Variants in CECR2 observed in about 807,000 individuals in gnomAD.
The protein encoded by CECR2 is chromatin remodeling regulator CECR2.
A neutral mutation model predicts 154.5 loss-of-function variants in CECR2; 30 were observed. The observed-to-expected ratio is 0.19, with a 90% confidence interval of 0.15 to 0.26. The LOEUF (loss-of-function observed/expected upper bound fraction) is 0.26, where lower values mean the gene tolerates loss of function less well. Among genes scored for constraint, CECR2 ranks in the 10% least tolerant of loss-of-function variants. CECR2 has a pLI of 1.00. For missense variants in CECR2, 1,743 were observed against 1,829.3 expected (o/e 0.95, Z 0.86); for synonymous variants, 725 against 683.7 (o/e 1.06, Z -0.94).
chr22:17,484,674 G>A (rs2055389102), intron 2 of CECR2, among the ~76,000 whole-genome samples: 1 of 152,166 alleles, frequency 6.6e-6, no homozygotes, highest in African/African-American at 2.4e-5. Context: ...GCCAAGGTGG[G>A]CGGATCACTT....
chr22:17,462,956 G>A (rs1211273331), intron 1 of CECR2, among the ~76,000 whole-genome samples: 2 of 152,168 alleles, frequency 1.3e-5, no homozygotes, highest in African/African-American at 4.8e-5. Flanking sequence ...ACAATTTTGG[G>A]GAAACAGCCA....
chr22:17,532,635 A>G (rs1831237178), intron 9 of CECR2, among the ~76,000 whole-genome samples: 1 of 151,000 alleles, frequency 6.6e-6, no homozygotes, highest in African/African-American at 2.4e-5. Flanking sequence ...TTGAAACTCC[A>G]AGAAAATCAC....
At chr22:17,425,712 G>A (rs755067316) in intron 1 of CECR2, among the ~76,000 whole-genome samples, 9 of 148,948 alleles carry the variant, frequency 6.0e-5, no homozygotes, top group Non-Finnish European at 1.3e-4. Flanking sequence ...TTTGACTCTT[G>A]GTTTCTAGTC....
intron 1 of CECR2, among the ~76,000 whole-genome samples, chr22:17,383,469 A>G (rs1221746911): frequency 6.6e-6 from 1 of 152,144 alleles, no homozygotes; most frequent in Non-Finnish European, 1.5e-5. Context: ...CATTTGAACA[A>G]TGTTGACAGC....
chr22:17,529,822 T>TA (rs1406032053), intron 9 of CECR2, among the ~76,000 whole-genome samples: 2 of 151,698 alleles, frequency 1.3e-5, no homozygotes, highest in Non-Finnish European at 2.9e-5. Context: ...TGATAGTTCT[T>TA]ATGGAAGGAA....
intron 7 of CECR2, among the ~76,000 whole-genome samples, chr22:17,511,076 CG>C (rs1015599611): frequency 6.6e-6 from 1 of 152,094 alleles, no homozygotes; most frequent in African/African-American, 2.4e-5. Context: ...ATTTTTGATG[CG>C]GAAGTCACGG....
intron 1 of CECR2, among the ~76,000 whole-genome samples, chr22:17,447,370 G>T (rs902151360): frequency 6.6e-6 from 1 of 151,896 alleles, no homozygotes; most frequent in Non-Finnish European, 1.5e-5. Context: ...ATCCAGGATG[G>T]TCTCGATATC....
chr22:17,525,374 G>A lies in CECR2; in HGVS notation c.1108+1103G>A, dbSNP rs141103804. Among the ~76,000 whole-genome samples the A allele has an allele frequency of 1.2e-4, 18 of 149,734 alleles. No individual in the cohort carries two copies. The East Asian group carries it at 3.0e-3, about 25-fold the overall frequency. On this transcript the variant is annotated intron_variant, in intron 9 of 18. Transcript: ENST00000262608. ...AAAGAAATGATGGCTGGGCACAGTG[G>A]CTCACGCCTGTAATCCCAGCACTTT...
At position 17,500,206 on chromosome 22, in the gene CECR2, A is replaced by C. The variant is rs535187428; in HGVS notation, c.546-425A>C. Among the ~76,000 whole-genome samples, 208 of 63,262 alleles carry C rather than the reference A, an allele frequency of 3.3e-3. 4 individuals are homozygous for C. The highest frequency in any genetic ancestry group is 0.013 in the African/African-American group (198 of 14,834). 41.5% of individuals were successfully genotyped at this position (63,262 alleles called of 152,430 possible). A position where few individuals can be genotyped will look rare whatever the true frequency, so the allele number is the denominator to read the frequency against. ...AGCCTGGGCGACAGAGCGAGACTCC[A>C]TCAAAAAAAAAAAAAAAAAAAGAAT... On this transcript the variant is annotated intron_variant, in intron 4 of 18. Coordinates refer to ENST00000262608, the MANE Select transcript of CECR2 (RefSeq NM_001290047.2).
chr22:17,538,920 T>C, intron 12 of CECR2, 73 bp from the exon 13 acceptor site: 2 of 1,527,780 alleles, frequency 1.3e-6, no homozygotes, highest in East Asian at 4.5e-5. Context: ...TCATTATCTC[T>C]CTGTCTCTCT....
intron 1 of CECR2, among the ~76,000 whole-genome samples, chr22:17,394,462 G>A (rs887103439): frequency 6.6e-6 from 1 of 151,938 alleles, no homozygotes; most frequent in Non-Finnish European, 1.5e-5. Context: ...TCCTGCGTAG[G>A]TTTTCTAAAG....
At chr22:17,418,335 T>A (rs1457708099) in intron 1 of CECR2, among the ~76,000 whole-genome samples, 1 of 152,202 alleles carries the variant, frequency 6.6e-6, no homozygotes. Flanking sequence ...TAATTGTGCA[T>A]CCTCAAGCCT....
rs577835496 is a variant in CECR2, at chr22:17,540,081, C to T, written c.1496-331C>T. Among the ~76,000 whole-genome samples, 288 of 152,306 alleles carry T rather than the reference C, an allele frequency of 1.9e-3. 3 individuals carry two copies. The highest frequency in any genetic ancestry group is 6.7e-3 in the African/African-American group (280 of 41,572). ...CTCCTGGGCTCAAGTGATCCTCCTG[C>T]CTTGGCCTCCCAAAGTGCTGGGATC... is the stretch of plus-strand genomic sequence containing the variant. On this transcript the variant is annotated intron_variant, in intron 13 of 18. Transcript: ENST00000262608.
chr22:17,502,014 C>A (rs531113644), intron 5 of CECR2, among the ~76,000 whole-genome samples: 10 of 152,270 alleles, frequency 6.6e-5, no homozygotes, highest in Admixed American at 3.9e-4. Flanking sequence ...TTGGATAATG[C>A]CAATATAGAA....
At chr22:17,520,017 T>C in intron 8 of CECR2, among the ~76,000 whole-genome samples, 1 of 151,922 alleles carries the variant, frequency 6.6e-6, no homozygotes, top group East Asian at 1.9e-4. Flanking sequence ...TCTCAATCTC[T>C]TAACCTCATG....
In CECR2 at chr22:17,542,930, C is replaced by T. The variant is rs2056553700; in HGVS notation, c.2787C>T (p.Ala929=). ...VAHPMSVTVS[A]PKPALGNPGR... ...ACCCAATGTCAGTCACTGTGTCAGC[C>T]CCCAAGCCTGCCCTGGGCAACCCTG... Residue 929 remains alanine, a synonymous_variant, in exon 16 of 19, where the codon GCC becomes GCT. Transcript: ENST00000262608. The T allele has an allele frequency of 6.2e-7, 1 of 1,613,828 alleles. No homozygotes were observed. The highest frequency in any genetic ancestry group is 8.5e-7 in the Non-Finnish European group (1 of 1,179,858).
At chr22:17,501,990 A>C (rs992359628) in intron 5 of CECR2, among the ~76,000 whole-genome samples, 1 of 152,218 alleles carries the variant, frequency 6.6e-6, no homozygotes, top group African/African-American at 2.4e-5. Flanking sequence ...GATGCTCAGC[A>C]GCCACATGGT....
At chr22:17,370,537 T>C (rs1231010380) in intron 1 of CECR2, among the ~76,000 whole-genome samples, 2 of 152,082 alleles carry the variant, frequency 1.3e-5, no homozygotes, top group Non-Finnish European at 2.9e-5. Flanking sequence ...TCCGTTATTC[T>C]TCCACAGCGT....
intron 8 of CECR2, among the ~76,000 whole-genome samples, chr22:17,522,115 C>G (rs1330744304): frequency 1.3e-5 from 2 of 152,102 alleles, no homozygotes; most frequent in Admixed American, 6.5e-5. Context: ...GTCTATATCT[C>G]TGTTTTGGTA....
Sources: allele counts gnomAD v4.1 joint callset (sites outside exome capture counted in the v4.1 genomes callset), GRCh38; gene constraint gnomAD v4.1.1; transcripts MANE v1.5; gene names NCBI Gene and HGNC (gene_info 2026-07-23, HGNC 2026-07-21).